HACD2: variants seen among roughly 807,000 people sequenced by gnomAD.
HACD2 encodes 3-hydroxyacyl-CoA dehydratase 2.
Under a neutral mutation model 31.0 loss-of-function variants are expected in HACD2, and 15 were observed. The ratio of observed to expected loss-of-function variants is 0.48; its 90% CI spans 0.32 to 0.75. The LOEUF (loss-of-function observed/expected upper bound fraction) is 0.75, where lower values mean the gene tolerates loss of function less well. Among genes scored for constraint, HACD2 ranks in the 30% least tolerant of loss-of-function variants. HACD2 has a pLI of 0.03. For synonymous variants in HACD2, 115 were observed against 122.2 expected, an observed-to-expected ratio of 0.94 and a Z score of 0.39; for missense variants, 283 against 313.0, an observed-to-expected ratio of 0.90 and a Z score of 0.72.
chr3:123,568,227 T>C (rs976509100), intron 2 of HACD2, among the ~76,000 whole-genome samples: 1 of 152,220 alleles, frequency 6.6e-6, no homozygotes, highest in Non-Finnish European at 1.5e-5. Flanking sequence ...TTCATTCTAC[T>C]AAGTTCCACC....
At chr3:123,558,218 T>C (rs1274084251) in intron 3 of HACD2, among the ~76,000 whole-genome samples, 1 of 152,138 alleles carries the variant, frequency 6.6e-6, no homozygotes, top group Non-Finnish European at 1.5e-5. Flanking sequence ...GGCAAAACCA[T>C]GGAGACAGTG....
chr3:123,544,705 A>G (rs933136324), intron 3 of HACD2, among the ~76,000 whole-genome samples: 2 of 152,202 alleles, frequency 1.3e-5, no homozygotes, highest in African/African-American at 4.8e-5. Context: ...AGTTTTCCAA[A>G]TTTTTATGTC....
At chr3:123,543,457 G>C (rs975810674) in intron 3 of HACD2, among the ~76,000 whole-genome samples, 4 of 152,136 alleles carry the variant, frequency 2.6e-5, no homozygotes, top group African/African-American at 9.7e-5. Flanking sequence ...TATATCACAA[G>C]AAATGAGGAA....
At chr3:123,537,217 T>A (rs1353693574) in intron 3 of HACD2, among the ~76,000 whole-genome samples, 1 of 152,238 alleles carries the variant, frequency 6.6e-6, no homozygotes, top group African/African-American at 2.4e-5. Flanking sequence ...AGAGATGTTA[T>A]GTAAAATGAA....
At chr3:123,517,666 G>T (rs188488001) in intron 4 of HACD2, among the ~76,000 whole-genome samples, 78 of 152,184 alleles carry the variant, frequency 5.1e-4, no homozygotes, top group Middle Eastern at 3.4e-3. Flanking sequence ...ACTCCAGAGG[G>T]GAGAAGATTT....
At chr3:123,540,867 T>C (rs922129874) in intron 3 of HACD2, among the ~76,000 whole-genome samples, 1 of 152,224 alleles carries the variant, frequency 6.6e-6, no homozygotes, top group Non-Finnish European at 1.5e-5. Context: ...TAATAACCCA[T>C]AAGTACCTTG....
At chr3:123,512,578 A>G (rs1408749863) in intron 4 of HACD2, among the ~76,000 whole-genome samples, 1 of 152,206 alleles carries the variant, frequency 6.6e-6, no homozygotes, top group Non-Finnish European at 1.5e-5. Context: ...GACAGAGGTG[A>G]CAGGTGGAAG....
At chr3:123,515,402 A>C (rs1287676389) in intron 4 of HACD2, among the ~76,000 whole-genome samples, 1 of 152,180 alleles carries the variant, frequency 6.6e-6, no homozygotes, top group East Asian at 1.9e-4. Flanking sequence ...GAAGATACTG[A>C]ATAAATATCT....
Position 123,584,936 on chromosome 3 carries a change from T to C in HACD2, c.92A>G (p.Lys31Arg). The C allele has an allele frequency of 6.5e-7, 1 of 1,529,488 alleles. No individual in the cohort carries two copies. Among genetic ancestry groups the C allele is most frequent in the Non-Finnish European group, 8.8e-7 (1 of 1,138,126 alleles). The allele number at this position is 1,529,488 out of a possible 1,614,324, so 94.7% of individuals were successfully genotyped here. A position where few individuals can be genotyped will look rare whatever the true frequency, so the allele number is the denominator to read the frequency against. Residue 31 changes from lysine (K) to arginine (R), a missense_variant, in exon 1 of 7, where the codon AAG (lysine) becomes AGG (arginine). Coordinates refer to ENST00000383657, the MANE Select transcript of HACD2 (RefSeq NM_198402.5). ...CGTGGCCAGGGGCCCCGGGCCCTTC[T>C]TCTTCCGCGTGCCGCTGGCGTCCCC... ...GAGDASGTRK[K>R]KGPGPLATAY...
Position 123,509,502 on chromosome 3 carries a change from C to T in HACD2, c.382-6821G>A, listed in dbSNP as rs75469516. Among the ~76,000 whole-genome samples the T allele has an allele frequency of 9.9e-4, 93 of 93,510 alleles. 28 individuals carry two copies. The highest frequency in any genetic ancestry group is 1.6e-3 in the Non-Finnish European group (57 of 34,838). The allele number at this position is 93,510 out of a possible 152,430, so 61.3% of individuals were successfully genotyped here. A position where few individuals can be genotyped will look rare whatever the true frequency, so the allele number is the denominator to read the frequency against. Reference sequence around the variant, plus strand: ...TCCAACCTTCCCCTTCCTGTGACTTCTTTTTTTTTTTTTTGAGATGGAGTC... The same window carrying T: ...TCCAACCTTCCCCTTCCTGTGACTTTTTTTTTTTTTTTTTGAGATGGAGTC... On this transcript the variant is annotated intron_variant, in intron 4 of 6. Transcript: ENST00000383657.
chr3:123,537,479 C>T lies in HACD2; in HGVS notation c.293-9005G>A, dbSNP rs533528057. Among the ~76,000 whole-genome samples, 7 of 151,698 alleles carry T rather than the reference C, an allele frequency of 4.6e-5. No homozygotes were observed. In the South Asian group the frequency reaches 6.2e-4, roughly 14 times the overall value. ...GCTACTCAGGTTGAGGTGGGAGGAACGCTTGAACCAGGAGTTTGAGGCTGC... is the reference window on the plus strand; with the variant it reads ...GCTACTCAGGTTGAGGTGGGAGGAATGCTTGAACCAGGAGTTTGAGGCTGC... On this transcript the variant is annotated intron_variant, in intron 3 of 6. Coordinates refer to ENST00000383657, the MANE Select transcript of HACD2 (RefSeq NM_198402.5).
rs1035771146 is a variant in HACD2 at position 123,509,930 on chromosome 3, T to C, written c.382-7249A>G. Among the ~76,000 whole-genome samples the C allele has an allele frequency of 3.3e-5, 5 of 152,288 alleles. No homozygotes were observed. In the East Asian group the frequency reaches 5.8e-4, roughly 18 times the overall value. ...GGGAAAAAACAACCTTGTAAGAACATGTATAGGTAGGTTTTTCATCTTACC... is the reference window on the plus strand; with the variant it reads ...GGGAAAAAACAACCTTGTAAGAACACGTATAGGTAGGTTTTTCATCTTACC... On this transcript the variant is annotated intron_variant, in intron 4 of 6. Coordinates refer to ENST00000383657, the MANE Select transcript of HACD2 (RefSeq NM_198402.5).
intron 2 of HACD2, among the ~76,000 whole-genome samples, chr3:123,581,678 T>C (rs1383956064): frequency 6.6e-6 from 1 of 152,220 alleles, no homozygotes; most frequent in Non-Finnish European, 1.5e-5. Flanking sequence ...CTTAAAATAG[T>C]TTGAATTGGG....
intron 4 of HACD2, among the ~76,000 whole-genome samples, chr3:123,508,788 G>T (rs2056011169): frequency 6.6e-6 from 1 of 152,166 alleles, no homozygotes; most frequent in Non-Finnish European, 1.5e-5. Context: ...ACCATAGACT[G>T]GGGGGCTTAA....
chr3:123,526,496 T>A (rs1394257506), intron 4 of HACD2, among the ~76,000 whole-genome samples: 1 of 151,608 alleles, frequency 6.6e-6, no homozygotes, highest in African/African-American at 2.4e-5. Context: ...ATGTACTACA[T>A]ACTTCAGAAA....
In HACD2 at chr3:123,492,159, CA is replaced by C. The variant is rs1339916251; in HGVS notation, c.*2728del. 1 of 152,172 alleles carries C rather than the reference CA, an allele frequency of 6.6e-6. No homozygotes were observed. Among genetic ancestry groups the C allele is most frequent in the Non-Finnish European group, 1.5e-5 (1 of 68,036 alleles). 9.4% of individuals were successfully genotyped at this position (152,172 alleles called of 1,614,324 possible). A position where few individuals can be genotyped will look rare whatever the true frequency, so the allele number is the denominator to read the frequency against. ...GTTAAATGAATAAGCCCAACCTCAG[CA>C]AACAGAACGCAGCAAGATGTAGATT... On this transcript the variant is annotated 3_prime_UTR_variant, in exon 7 of 7. Coordinates refer to ENST00000383657, the MANE Select transcript of HACD2 (RefSeq NM_198402.5).
chr3:123,543,425 TA>T (rs1017657630), intron 3 of HACD2, among the ~76,000 whole-genome samples: 3 of 151,308 alleles, frequency 2.0e-5, no homozygotes, highest in South Asian at 2.1e-4. Flanking sequence ...AGAATCAAAG[TA>T]AAAAAAACAA....
chr3:123,572,967 T>C (rs1000313169), intron 2 of HACD2, among the ~76,000 whole-genome samples: 2 of 152,068 alleles, frequency 1.3e-5, no homozygotes, highest in Admixed American at 1.3e-4. Flanking sequence ...AGCTATGGCC[T>C]AAGATGCAGA....
At chr3:123,548,019 C>G (rs2107728081) in intron 3 of HACD2, among the ~76,000 whole-genome samples, 1 of 152,076 alleles carries the variant, frequency 6.6e-6, no homozygotes, top group South Asian at 2.1e-4. Flanking sequence ...GAACCATGCT[C>G]TTAACTACTA....
Sources: gnomAD v4.1 joint callset for allele counts (sites outside exome capture counted in the v4.1 genomes callset) on GRCh38, gnomAD v4.1.1 for gene constraint, MANE v1.5 for transcripts, NCBI Gene and HGNC (gene_info 2026-07-23, HGNC 2026-07-21) for gene names.